HIGD2B: variants seen among roughly 807,000 people sequenced by gnomAD.
HIGD2B encodes HIG1 hypoxia inducible domain family member 2B, also known as HIG1 domain family member 2B.
For synonymous variants in HIGD2B, 45 were observed against 28.1 expected, an observed-to-expected ratio of 1.60 and a Z score of -1.90; for missense variants, 106 against 67.0, an observed-to-expected ratio of 1.58 and a Z score of -2.03.
intron 2 of HIGD2B, among the ~76,000 whole-genome samples, chr15:72,676,589 G>C (rs574101479): frequency 4.6e-5 from 7 of 152,076 alleles, no homozygotes; most frequent in Non-Finnish European, 7.4e-5. Context: ...TTTCATATTT[G>C]TATTTTTAGT....
chr15:72,679,594 TA>T (rs1240561358), intron 2 of HIGD2B, among the ~76,000 whole-genome samples: 1 of 152,094 alleles, frequency 6.6e-6, no homozygotes, highest in Admixed American at 6.6e-5. Flanking sequence ...TGGATTATTT[TA>T]AATGCACCAG....
chr15:72,683,433 TC>T (rs2150979510), intron 1 of HIGD2B, among the ~76,000 whole-genome samples: 1 of 99,954 alleles, frequency 1.0e-5, no homozygotes, highest in East Asian at 3.3e-4. Context: ...TAGCTTCAAT[TC>T]CTCCTTTTTT....
chr15:72,679,420 G>C (rs572352546), intron 2 of HIGD2B, among the ~76,000 whole-genome samples: 5 of 150,426 alleles, frequency 3.3e-5, no homozygotes, highest in African/African-American at 1.2e-4. Context: ...GCAGAGAGGG[G>C]AAGAGGAAAG....
At chr15:72,678,714 C>G (rs1159846190) in intron 2 of HIGD2B, among the ~76,000 whole-genome samples, 1 of 152,102 alleles carries the variant, frequency 6.6e-6, no homozygotes, top group East Asian at 1.9e-4. Flanking sequence ...GAGAAATAAT[C>G]TGATCAGGTG....
intron 1 of HIGD2B, 80 bp from the exon 2 acceptor site, chr15:72,680,273 T>C (rs1416637872): frequency 6.5e-6 from 1 of 152,964 alleles, no homozygotes; most frequent in East Asian, 1.9e-4. Flanking sequence ...AGTTCTTGTC[T>C]ACAGTAAGTT....
chr15:72,683,216 G>C (rs1279032458), intron 1 of HIGD2B, among the ~76,000 whole-genome samples: 1 of 152,208 alleles, frequency 6.6e-6, no homozygotes, highest in Non-Finnish European at 1.5e-5. Context: ...CTTTAGTGAA[G>C]AAGCCTTTGG....
chr15:72,677,458 G>A (rs1433852240), intron 2 of HIGD2B, among the ~76,000 whole-genome samples: 2 of 151,392 alleles, frequency 1.3e-5, no homozygotes, highest in African/African-American at 2.4e-5. Context: ...GAAAGAGACT[G>A]CATGTAAATA....
intron 2 of HIGD2B, among the ~76,000 whole-genome samples, chr15:72,678,735 C>T (rs2064717607): frequency 6.6e-6 from 1 of 152,092 alleles, no homozygotes; most frequent in African/African-American, 2.4e-5. Context: ...CAGTGGTTCG[C>T]GCCTGTAATC....
At chr15:72,684,832 G>A (rs2064793856) in intron 1 of HIGD2B, among the ~76,000 whole-genome samples, 2 of 151,868 alleles carry the variant, frequency 1.3e-5, no homozygotes, top group South Asian at 4.2e-4. Context: ...CGCCCAGGCT[G>A]GAGCACAGAA....
In HIGD2B at chr15:72,682,060, T is replaced by C. The variant is rs1358288593; in HGVS notation, c.-192-1867A>G. On this transcript the variant is annotated intron_variant, in intron 1 of 2. Transcript: ENST00000311755. ...CCCAGCTTTCTTTCCAGTTTTAAAGTATTATTTTTAATTATCCAAACTAAA... is the reference window on the plus strand; with the variant it reads ...CCCAGCTTTCTTTCCAGTTTTAAAGCATTATTTTTAATTATCCAAACTAAA... Among the ~76,000 whole-genome samples, 6 of 152,208 alleles carry C rather than the reference T, an allele frequency of 3.9e-5. No homozygotes were observed. In the South Asian group the frequency reaches 1.0e-3, roughly 26 times the overall value.
Position 72,676,354 on chromosome 15 carries a change from C to A in HIGD2B, c.21G>T (p.Val7=). Residue 7 remains valine, a synonymous_variant, in exon 3 of 3, where the codon GTG becomes GTT. Transcript: ENST00000311755. ...ATGATTCAAAGGGGGCCTCCGGAGT[C>A]ACAAAGCCGAGAGTCGCCATGCCTA... MATLGF[V]TPEAPFESSK... is the part of the protein sequence containing the mutation. The A allele has an allele frequency of 1.3e-6, 1 of 758,314 alleles. No individual in the cohort carries two copies. The highest frequency in any genetic ancestry group is 2.4e-6 in the Non-Finnish European group (1 of 413,994). The allele number at this position is 758,314 out of a possible 1,614,324, so 47.0% of individuals were successfully genotyped here. A position where few individuals can be genotyped will look rare whatever the true frequency, so the allele number is the denominator to read the frequency against.
chr15:72,684,573 C>T (rs970656586), intron 1 of HIGD2B, among the ~76,000 whole-genome samples: 5 of 152,036 alleles, frequency 3.3e-5, no homozygotes, highest in Admixed American at 3.3e-4. Flanking sequence ...CTGTAACTTC[C>T]ACCTCCTGGA....
chr15:72,686,141 C>G lies in HIGD2B; in HGVS notation c.-516G>C. ...TTTACTTCCTTCCCCCGCTTCCTCA[C>G]AGTCCTCCACAGCCCTACGACTTCC... On this transcript the variant is annotated 5_prime_UTR_variant, in exon 1 of 3. Transcript: ENST00000311755. 11 of 1,374,462 alleles carry G rather than the reference C, an allele frequency of 8.0e-6. No homozygotes were observed. Among genetic ancestry groups the G allele is most frequent in the Non-Finnish European group, 1.1e-5 (11 of 994,440 alleles). The allele number at this position is 1,374,462 out of a possible 1,614,324, so 85.1% of individuals were successfully genotyped here. A position where few individuals can be genotyped will look rare whatever the true frequency, so the allele number is the denominator to read the frequency against.
intron 1 of HIGD2B, among the ~76,000 whole-genome samples, chr15:72,680,624 C>T (rs1209385250): frequency 4.6e-5 from 7 of 152,176 alleles, no homozygotes; most frequent in East Asian, 3.8e-4. Flanking sequence ...CGTTGGCTCA[C>T]GCCTGTAATT....
Position 72,676,113 on chromosome 15 carries a change from A to G in HIGD2B, c.262T>C (p.Phe88Leu). 1 of 765,694 alleles carries G rather than the reference A, an allele frequency of 1.3e-6. No individual in the cohort carries two copies. The highest frequency in any genetic ancestry group is 2.4e-6 in the Non-Finnish European group (1 of 416,768). The allele number at this position is 765,694 out of a possible 1,614,324, so 47.4% of individuals were successfully genotyped here. A position where few individuals can be genotyped will look rare whatever the true frequency, so the allele number is the denominator to read the frequency against. Residue 88 changes from phenylalanine (F) to leucine (L), a missense_variant, in exon 3 of 3, where the codon TTC becomes CTC. Transcript: ENST00000311755. ...CCCAGCAAGATGGCTGCAATGGTGAAGCCCTGGGCGGCGATCTGGGTGTGC... is the reference window on the plus strand; with the variant it reads ...CCCAGCAAGATGGCTGCAATGGTGAGGCCCTGGGCGGCGATCTGGGTGTGC... The part of the protein sequence containing the change: ...MMHTQIAAQG[F>L]TIAAILLGLA...
intron 1 of HIGD2B, among the ~76,000 whole-genome samples, chr15:72,680,818 C>G (rs2064741279): frequency 6.6e-6 from 1 of 152,108 alleles, no homozygotes; most frequent in Non-Finnish European, 1.5e-5. Context: ...TGCCTGAACT[C>G]AGGTGGTGGA....
rs2064690608 is a variant in HIGD2B at position 72,676,318 on chromosome 15, G to C, written c.57C>G (p.Pro19=). 2 of 760,982 alleles carry C rather than the reference G, an allele frequency of 2.6e-6. No homozygotes were observed. Among genetic ancestry groups the C allele is most frequent in the Non-Finnish European group, 2.4e-6 (1 of 414,966 alleles). The allele number at this position is 760,982 out of a possible 1,614,324, so 47.1% of individuals were successfully genotyped here. ...CAGTGGGGCTAAGCCCCTCAAAGATGGGGGGCTTCGATGATTCAAAGGGGG... is the reference window on the plus strand; with the variant it reads ...CAGTGGGGCTAAGCCCCTCAAAGATCGGGGGCTTCGATGATTCAAAGGGGG... ...PEAPFESSKP[P]IFEGLSPTVY... Residue 19 remains proline, a synonymous_variant, in exon 3 of 3, where the codon CCC becomes CCG. Coordinates refer to ENST00000311755, the MANE Select transcript of HIGD2B (RefSeq NM_001350932.3).
At chr15:72,676,820 G>A (rs533325604) in intron 2 of HIGD2B, among the ~76,000 whole-genome samples, 140 of 152,272 alleles carry the variant, frequency 9.2e-4, no homozygotes, top group African/African-American at 3.2e-3. Context: ...GGGAGGTGGT[G>A]GGAAGGAGGT....
intron 1 of HIGD2B, chr15:72,682,766 T>G (rs1484148440): frequency 4.7e-6 from 1 of 214,662 alleles, no homozygotes; most frequent in Non-Finnish European, 1.0e-5. Context: ...CTATGTATTC[T>G]TCTGTATTTG....
Sources: gnomAD v4.1 joint callset for allele counts (sites outside exome capture counted in the v4.1 genomes callset) on GRCh38, gnomAD v4.1.1 for gene constraint, MANE v1.5 for transcripts, NCBI Gene and HGNC (gene_info 2026-07-23, HGNC 2026-07-21) for gene names.